Variants in AOPEP observed in about 807,000 individuals in gnomAD.
AOPEP encodes the protein aminopeptidase O.
A neutral mutation model predicts 98.1 loss-of-function variants in AOPEP; 77 were observed. That is an observed-to-expected ratio of 0.78 (90% CI 0.65 to 0.95). AOPEP has a LOEUF of 0.95. Ranked by LOEUF, AOPEP falls within the 40% of genes least tolerant of loss-of-function variation. The pLI is 0.00. For synonymous variants in AOPEP, 346 were observed against 365.3 expected, an observed-to-expected ratio of 0.95 and a Z score of 0.60; for missense variants, 1,024 against 1,024.7, an observed-to-expected ratio of 1.00 and a Z score of 0.01.
chr9:94,939,968 CATAA>C (rs1416139979), intron 7 of AOPEP, among the ~76,000 whole-genome samples: 1 of 152,192 alleles, frequency 6.6e-6, no homozygotes, highest in African/African-American at 2.4e-5. Flanking sequence ...ATATATGAAA[CATAA>C]ATAAATTTGT....
chr9:94,978,947 A>G (rs1225001492), intron 10 of AOPEP, among the ~76,000 whole-genome samples: 3 of 152,128 alleles, frequency 2.0e-5, no homozygotes, highest in Non-Finnish European at 4.4e-5. Context: ...GTTGTAGTCC[A>G]TCTTTCCTAT....
intron 13 of AOPEP, among the ~76,000 whole-genome samples, chr9:95,016,245 ATT>A (rs532120566): frequency 1.4e-4 from 17 of 123,632 alleles, no homozygotes; most frequent in African/African-American, 5.3e-4. Context: ...TTCTCTTGTG[ATT>A]TTTTTTTTTT....
intron 5 of AOPEP, among the ~76,000 whole-genome samples, chr9:94,922,644 T>C (rs1040125040): frequency 1.6e-4 from 25 of 152,222 alleles, no homozygotes; most frequent in East Asian, 1.9e-4. Flanking sequence ...TTTTTTTTTT[T>C]CCCCTGAGTT....
At chr9:94,782,740 A>G (rs1843567651) in intron 3 of AOPEP, among the ~76,000 whole-genome samples, 2 of 152,254 alleles carry the variant, frequency 1.3e-5, no homozygotes, top group Admixed American at 1.3e-4. Context: ...CAGTACACAT[A>G]CATTCCTATG....
At chr9:94,983,282 C>T (rs150194715) in intron 11 of AOPEP, among the ~76,000 whole-genome samples, 6,288 of 152,198 alleles carry the variant, frequency 0.041, 440 homozygotes, top group African/African-American at 0.14. Context: ...CTTGGCCTCC[C>T]GAAGTGCTGG....
chr9:94,932,125 G>T lies in AOPEP; in HGVS notation c.1661+3594G>T. 3 of 1,022,856 alleles carry T rather than the reference G, an allele frequency of 2.9e-6. No homozygotes were observed. The South Asian group carries it at 1.4e-4, about 47-fold the overall frequency. The allele number at this position is 1,022,856 out of a possible 1,614,324, so 63.4% of individuals were successfully genotyped here. On this transcript the variant is annotated intron_variant, in intron 7 of 16. Transcript: ENST00000375315. ...GTCTTCAGGGAACTGAGAGCATTTA[G>T]TTGCATTAAAACAAATAAAAAAACA...
At chr9:94,811,651 AG>A (rs1850617114) in intron 5 of AOPEP, among the ~76,000 whole-genome samples, 1 of 152,170 alleles carries the variant, frequency 6.6e-6, no homozygotes, top group African/African-American at 2.4e-5. Flanking sequence ...ACTGCCTGGT[AG>A]GGGACTGGGC....
At chr9:94,806,484 G>C (rs1849288406) in intron 5 of AOPEP, among the ~76,000 whole-genome samples, 1 of 152,102 alleles carries the variant, frequency 6.6e-6, no homozygotes, top group African/African-American at 2.4e-5. Flanking sequence ...CCCTGCTGTT[G>C]CTGTAGAGAT....
At chr9:95,127,204 C>A in the AOPEP span, 1 of 152,886 alleles carries the variant, frequency 6.5e-6, no homozygotes, top group Non-Finnish European at 1.5e-5. Context: ...TTTGAGTCTG[C>A]AGAAGCTGGC....
chr9:94,776,268 CAG>C (rs1842071163), intron 3 of AOPEP, among the ~76,000 whole-genome samples: 1 of 152,012 alleles, frequency 6.6e-6, no homozygotes, highest in Non-Finnish European at 1.5e-5. Context: ...TATTTTGTAA[CAG>C]AGCGTAAAGA....
At chr9:94,932,960 G>C in intron 7 of AOPEP, 1 of 985,416 alleles carries the variant, frequency 1.0e-6, no homozygotes, top group Non-Finnish European at 1.2e-6. Flanking sequence ...GATTTGCTCA[G>C]TTTCAAAATG....
chr9:95,144,904 CAT>C, the AOPEP span, among the ~76,000 whole-genome samples: 1 of 152,152 alleles, frequency 6.6e-6, no homozygotes, highest in African/African-American at 2.4e-5. Flanking sequence ...AAGGACCAAA[CAT>C]AACGCTCGGA....
At chr9:95,052,377 CAAAAG>C (rs1033683644) in intron 13 of AOPEP, among the ~76,000 whole-genome samples, 1 of 152,094 alleles carries the variant, frequency 6.6e-6, no homozygotes, top group Non-Finnish European at 1.5e-5. Context: ...TGTTTAAACT[CAAAAG>C]GAGAGGATCC....
intron 13 of AOPEP, among the ~76,000 whole-genome samples, chr9:95,057,189 G>A (rs187263713): frequency 6.6e-6 from 1 of 152,274 alleles, no homozygotes; most frequent in East Asian, 1.9e-4. Flanking sequence ...TATTTTTCAC[G>A]ATCACTCTGT....
the AOPEP span, chr9:95,135,298 A>C: frequency 6.3e-7 from 1 of 1,579,754 alleles, no homozygotes; most frequent in South Asian, 1.1e-5. Context: ...AAATGATTCC[A>C]AGCATCTCCT....
intron 6 of AOPEP, among the ~76,000 whole-genome samples, chr9:94,927,633 C>T (rs891315490): frequency 4.6e-5 from 7 of 152,242 alleles, no homozygotes; most frequent in African/African-American, 1.7e-4. Flanking sequence ...CTTCACCTCT[C>T]CCGTCACCTG....
At chr9:95,103,067 CCTT>C in the AOPEP span, among the ~76,000 whole-genome samples, 7 of 152,150 alleles carry the variant, frequency 4.6e-5, no homozygotes, top group African/African-American at 1.7e-4. Context: ...TGCAGCCTGT[CCTT>C]CATCAAGGAA....
chr9:94,891,900 T>TA (rs2048921895), intron 5 of AOPEP, among the ~76,000 whole-genome samples: 2 of 152,214 alleles, frequency 1.3e-5, no homozygotes, highest in Admixed American at 6.5e-5. Context: ...GTGGGTCTGC[T>TA]AGCAACAATT....
intron 5 of AOPEP, among the ~76,000 whole-genome samples, chr9:94,865,325 C>T (rs1005741532): frequency 4.6e-5 from 7 of 152,196 alleles, no homozygotes; most frequent in Non-Finnish European, 1.0e-4. Context: ...AAGAGCATCG[C>T]AGCTTGTTTT....
Sources: gnomAD v4.1 joint callset for allele counts (sites outside exome capture counted in the v4.1 genomes callset) on GRCh38, gnomAD v4.1.1 for gene constraint, MANE v1.5 for transcripts, NCBI Gene and HGNC (gene_info 2026-07-23, HGNC 2026-07-21) for gene names.